The following PPM1E variants were observed in gnomAD, a reference collection of about 807,000 sequenced individuals.
PPM1E encodes the protein protein phosphatase, Mg2+/Mn2+ dependent 1E, also known as protein phosphatase 1E.
A neutral mutation model predicts 65.9 loss-of-function variants in PPM1E; 20 were observed. That is an observed-to-expected ratio of 0.30 (90% confidence interval 0.21 to 0.44). The LOEUF (loss-of-function observed/expected upper bound fraction) is 0.44, where lower values mean the gene tolerates loss of function less well. PPM1E is among the 20% of genes least tolerant of loss of function. The probability of loss-of-function intolerance (pLI) is 1.00; values close to 1 mark genes in which losing one functional copy is unlikely to be tolerated. For missense variants in PPM1E, 713 were observed against 953.1 expected (o/e 0.75, Z 3.32); for synonymous variants, 352 against 374.9 (o/e 0.94, Z 0.70).
At chr17:58,946,981 G>A (rs1294272084) in intron 1 of PPM1E, among the ~76,000 whole-genome samples, 1 of 151,728 alleles carries the variant, frequency 6.6e-6, no homozygotes, top group Non-Finnish European at 1.5e-5. Context: ...GGTCTGTGAT[G>A]CATTTGGCAT....
chr17:58,767,098 C>T (rs1208389681), intron 1 of PPM1E, among the ~76,000 whole-genome samples: 1 of 152,098 alleles, frequency 6.6e-6, no homozygotes, highest in Admixed American at 6.6e-5. Flanking sequence ...TGTAAACTTG[C>T]AGAGGGTCAG....
chr17:58,923,911 CTTTTTTTTTTTTTT>C (rs751578623), intron 1 of PPM1E, among the ~76,000 whole-genome samples: 1 of 64,812 alleles, frequency 1.5e-5, no homozygotes, highest in Non-Finnish European at 2.8e-5. Context: ...AAGACCCCCT[CTTTTTTTTTTTTTT>C]TTTTTTTTTT....
rs539026651 is a variant in PPM1E, at chr17:58,779,090, A to T, written c.464+22629A>T. Among the ~76,000 whole-genome samples, 179 of 151,344 alleles carry T rather than the reference A, an allele frequency of 1.2e-3. 3 individuals are homozygous for T. In the South Asian group the frequency reaches 0.017, roughly 14 times the overall value. ...TTGCTCAAAATTCACAGTAGGAGAT[A>T]TATTTTATTTTGTGATTAAGGCCAC... is the stretch of plus-strand genomic sequence containing the variant. On this transcript the variant is annotated intron_variant, in intron 1 of 6. Coordinates refer to ENST00000308249, the MANE Select transcript of PPM1E (RefSeq NM_014906.5).
intron 1 of PPM1E, among the ~76,000 whole-genome samples, chr17:58,809,400 A>T (rs936532966): frequency 3.3e-5 from 5 of 150,390 alleles, no homozygotes; most frequent in African/African-American, 9.8e-5. Flanking sequence ...AATTAACAAA[A>T]TTTTTTTTTT....
At chr17:58,877,567 G>T (rs184319315) in intron 1 of PPM1E, among the ~76,000 whole-genome samples, 1 of 152,184 alleles carries the variant, frequency 6.6e-6, no homozygotes, top group East Asian at 1.9e-4. Context: ...CATAGAAAGA[G>T]TTATAAATGG....
At chr17:58,837,241 C>T (rs1253392449) in intron 1 of PPM1E, among the ~76,000 whole-genome samples, 1 of 133,992 alleles carries the variant, frequency 7.5e-6, no homozygotes, top group African/African-American at 2.8e-5. Flanking sequence ...CAGAGTAAAA[C>T]CCTGTCTCTT....
intron 1 of PPM1E, among the ~76,000 whole-genome samples, chr17:58,882,956 T>C (rs796662066): frequency 2.0e-4 from 28 of 141,184 alleles, no homozygotes; most frequent in African/African-American, 6.3e-4. Flanking sequence ...ACTTTCTTTT[T>C]TTTTTTTTTT....
intron 1 of PPM1E, among the ~76,000 whole-genome samples, chr17:58,896,197 T>C (rs1188252444): frequency 3.3e-5 from 5 of 151,936 alleles, no homozygotes; most frequent in South Asian, 2.1e-4. Context: ...GAAGAGAAGA[T>C]TGAACCAGAA....
intron 1 of PPM1E, among the ~76,000 whole-genome samples, chr17:58,914,602 G>A (rs961051391): frequency 9.2e-5 from 14 of 152,130 alleles, no homozygotes; most frequent in Admixed American, 4.6e-4. Context: ...CCAGTCTTGA[G>A]TGTGGGCTGA....
chr17:58,967,276 G>A (rs1598688084), intron 3 of PPM1E, among the ~76,000 whole-genome samples: 1 of 152,004 alleles, frequency 6.6e-6, no homozygotes, highest in Non-Finnish European at 1.5e-5. Flanking sequence ...TGTTTTGTTT[G>A]ACATAAATGT....
chr17:58,767,722 A>C (rs2049895027), intron 1 of PPM1E, among the ~76,000 whole-genome samples: 1 of 152,054 alleles, frequency 6.6e-6, no homozygotes, highest in African/African-American at 2.4e-5. Flanking sequence ...AGCTCACCGC[A>C]ACCTCCGCCT....
chr17:58,916,030 A>G (rs968056549), intron 1 of PPM1E, among the ~76,000 whole-genome samples: 6 of 152,090 alleles, frequency 3.9e-5, no homozygotes, highest in African/African-American at 1.4e-4. Flanking sequence ...TTTGTTTGAG[A>G]CAGGGTTTCT....
chr17:58,875,498 G>A (rs542416395), intron 1 of PPM1E, among the ~76,000 whole-genome samples: 1 of 152,196 alleles, frequency 6.6e-6, no homozygotes, highest in South Asian at 2.1e-4. Flanking sequence ...TACTATACTT[G>A]TCAATCTCAG....
chr17:58,903,045 C>G (rs556224368), intron 1 of PPM1E, among the ~76,000 whole-genome samples: 1 of 152,118 alleles, frequency 6.6e-6, no homozygotes, highest in South Asian at 2.1e-4. Flanking sequence ...CTCTCCAACC[C>G]AAGAGTAGCG....
At chr17:58,800,948 A>G (rs1202133944) in intron 1 of PPM1E, among the ~76,000 whole-genome samples, 1 of 151,728 alleles carries the variant, frequency 6.6e-6, no homozygotes, top group Non-Finnish European at 1.5e-5. Flanking sequence ...ATTCTTTATC[A>G]TTTCTTTCCT....
At chr17:58,864,166 C>G (rs2050974038) in intron 1 of PPM1E, among the ~76,000 whole-genome samples, 1 of 151,822 alleles carries the variant, frequency 6.6e-6, no homozygotes, top group African/African-American at 2.4e-5. Context: ...AAAAAATTCT[C>G]TTTGTTTCCA....
chr17:58,812,921 A>ATGAAG (rs1206012802), intron 1 of PPM1E, among the ~76,000 whole-genome samples: 2 of 152,334 alleles, frequency 1.3e-5, no homozygotes, highest in South Asian at 2.1e-4. Flanking sequence ...CAAGTGAAAT[A>ATGAAG]CAAATCATGA....
chr17:58,943,411 A>G (rs1269772186), intron 1 of PPM1E, among the ~76,000 whole-genome samples: 3 of 152,176 alleles, frequency 2.0e-5, no homozygotes, highest in Non-Finnish European at 4.4e-5. Context: ...CTTTCTACCT[A>G]CGCATGTGCC....
intron 1 of PPM1E, among the ~76,000 whole-genome samples, chr17:58,915,806 C>T (rs1466415697): frequency 1.3e-5 from 2 of 152,130 alleles, no homozygotes; most frequent in African/African-American, 2.4e-5. Context: ...ACCTACTTTG[C>T]AATGTGGAAT....
Sources: gnomAD v4.1 joint callset for allele counts (sites outside exome capture counted in the v4.1 genomes callset) on GRCh38, gnomAD v4.1.1 for gene constraint, MANE v1.5 for transcripts, NCBI Gene and HGNC (gene_info 2026-07-23, HGNC 2026-07-21) for gene names.